The following FHIT variants were observed in gnomAD, a reference collection of about 807,000 sequenced individuals.
The protein encoded by FHIT is bis(5'-adenosyl)-triphosphatase.
FHIT carries 19 observed loss-of-function variants against 17.9 expected under a neutral mutation model. The ratio of observed to expected loss-of-function variants is 1.06; its 90% CI spans 0.74 to 1.56. The LOEUF (loss-of-function observed/expected upper bound fraction) is 1.56. Ranked by LOEUF, FHIT falls within the 40% of genes most tolerant of loss-of-function variation. The pLI is 0.00. For synonymous variants in FHIT, 81 were observed against 69.7 expected, an observed-to-expected ratio of 1.16 and a Z score of -0.81; for missense variants, 248 against 189.2, an observed-to-expected ratio of 1.31 and a Z score of -1.82.
chr3:60,882,355 G>A (rs1465960222), intron 3 of FHIT, among the ~76,000 whole-genome samples: 2 of 152,004 alleles, frequency 1.3e-5, no homozygotes, highest in Non-Finnish European at 2.9e-5. Flanking sequence ...AAAAGAGAAG[G>A]GAATTCTTTC....
intron 8 of FHIT, among the ~76,000 whole-genome samples, chr3:59,764,834 A>G (rs1261901329): frequency 6.6e-6 from 1 of 151,592 alleles, no homozygotes; most frequent in Non-Finnish European, 1.5e-5. Context: ...AGAAGTCAGC[A>G]TAGGCAACAG....
intron 5 of FHIT, among the ~76,000 whole-genome samples, chr3:60,401,464 T>A (rs755727179): frequency 9.2e-5 from 14 of 152,232 alleles, no homozygotes; most frequent in Non-Finnish European, 2.1e-4. Flanking sequence ...AGAAGATGGG[T>A]ATTGACTCAC....
chr3:59,960,818 T>C (rs947978994), intron 7 of FHIT, among the ~76,000 whole-genome samples: 5 of 152,216 alleles, frequency 3.3e-5, no homozygotes, highest in Admixed American at 2.0e-4. Context: ...TGTTTTATAC[T>C]ATGTATCCCT....
Position 60,761,673 on chromosome 3 carries a change from G to A in FHIT, c.-18+60246C>T, listed in dbSNP as rs535856442. Among the ~76,000 whole-genome samples, 59 of 127,704 alleles carry A rather than the reference G, an allele frequency of 4.6e-4. 2 individuals carry two copies. The South Asian group carries it at 5.6e-3, about 12-fold the overall frequency. 83.8% of individuals were successfully genotyped at this position (127,704 alleles called of 152,430 possible). ...ACCACAAAAGACCAATGCTACAGAT[G>A]TCTCTCTTTCGGCTTTAAATACTTC... On this transcript the variant is annotated intron_variant, in intron 4 of 9. Coordinates refer to ENST00000492590, the MANE Select transcript of FHIT (RefSeq NM_002012.4).
At chr3:60,577,251 A>G (rs1362334417) in intron 4 of FHIT, among the ~76,000 whole-genome samples, 1 of 152,128 alleles carries the variant, frequency 6.6e-6, no homozygotes. Context: ...CCAAATTCTG[A>G]AGCTGCCTTT....
chr3:59,803,855 A>G lies in FHIT; in HGVS notation c.349-51534T>C, dbSNP rs557356321. Among the ~76,000 whole-genome samples the G allele has an allele frequency of 7.2e-5, 11 of 152,324 alleles. 1 individual carries two copies. The South Asian group carries it at 2.3e-3, about 32-fold the overall frequency. The stretch of plus-strand genomic sequence containing the variant: ...TAAAAAATATCAGAATTAAAGAGGC[A>G]CAAAAAACCCTGAACATCCGGGGCA... On this transcript the variant is annotated intron_variant, in intron 8 of 9. Coordinates refer to ENST00000492590, the MANE Select transcript of FHIT (RefSeq NM_002012.4).
At chr3:60,587,415 C>T (rs2037942001) in intron 4 of FHIT, among the ~76,000 whole-genome samples, 1 of 151,870 alleles carries the variant, frequency 6.6e-6, no homozygotes, top group African/African-American at 2.4e-5. Flanking sequence ...GGGCTTAAAA[C>T]CTAGATGATG....
At chr3:59,789,730 A>G (rs17296168) in intron 8 of FHIT, among the ~76,000 whole-genome samples, 19,099 of 152,174 alleles carry the variant, frequency 0.13, 1,367 homozygotes, top group Admixed American at 0.2. Flanking sequence ...TAGAAAAATT[A>G]TGAATCTAGT....
intron 4 of FHIT, among the ~76,000 whole-genome samples, chr3:60,588,290 T>C (rs189733155): frequency 2.7e-4 from 41 of 152,118 alleles, no homozygotes; most frequent in African/African-American, 9.2e-4. Context: ...ACAGAACAAA[T>C]GAAGTTACTA....
At chr3:60,684,571 C>G (rs2040820192) in intron 4 of FHIT, among the ~76,000 whole-genome samples, 1 of 152,046 alleles carries the variant, frequency 6.6e-6, no homozygotes, top group Admixed American at 6.6e-5. Flanking sequence ...TTAGTCTTCC[C>G]AACCTCAGAG....
chr3:60,480,794 C>T (rs1012452675), intron 5 of FHIT, among the ~76,000 whole-genome samples: 19 of 152,226 alleles, frequency 1.2e-4, no homozygotes, highest in Non-Finnish European at 2.4e-4. Context: ...CCCTCTCCCC[C>T]AACTCCCCAA....
intron 5 of FHIT, among the ~76,000 whole-genome samples, chr3:60,163,210 G>A (rs904687168): frequency 6.6e-6 from 1 of 152,068 alleles, no homozygotes; most frequent in Admixed American, 6.6e-5. Context: ...ACTCACCCAG[G>A]TCCTAAGAAA....
intron 5 of FHIT, among the ~76,000 whole-genome samples, chr3:60,457,276 A>G (rs1373205105): frequency 1.3e-5 from 2 of 152,126 alleles, no homozygotes; most frequent in Non-Finnish European, 2.9e-5. Flanking sequence ...AAATAATGTC[A>G]CATATCTACA....
intron 2 of FHIT, among the ~76,000 whole-genome samples, chr3:61,155,369 A>G (rs1037343281): frequency 6.6e-6 from 1 of 152,152 alleles, no homozygotes; most frequent in African/African-American, 2.4e-5. Context: ...GAGGTAGATT[A>G]ATTTTTTTAA....
chr3:60,906,471 A>T (rs1378724967), intron 3 of FHIT, among the ~76,000 whole-genome samples: 3 of 152,224 alleles, frequency 2.0e-5, no homozygotes, highest in African/African-American at 7.2e-5. Flanking sequence ...GCACCCCAGT[A>T]GCAATGAACC....
intron 4 of FHIT, among the ~76,000 whole-genome samples, chr3:60,560,549 C>T (rs2036900175): frequency 6.6e-6 from 1 of 152,140 alleles, no homozygotes; most frequent in South Asian, 2.1e-4. Flanking sequence ...TGTTCCCTCA[C>T]CCCAGGTCTG....
At chr3:60,784,049 A>T (rs533752318) in intron 4 of FHIT, among the ~76,000 whole-genome samples, 1 of 152,306 alleles carries the variant, frequency 6.6e-6, no homozygotes, top group East Asian at 1.9e-4. Flanking sequence ...TGAACTGCCC[A>T]TCAGTCCCAG....
intron 3 of FHIT, among the ~76,000 whole-genome samples, chr3:60,858,005 T>A (rs1465494248): frequency 1.3e-5 from 2 of 152,196 alleles, no homozygotes; most frequent in African/African-American, 4.8e-5. Flanking sequence ...TGGGTGTTAT[T>A]GTTTTGTTAT....
At chr3:61,217,394 G>T (rs909399146) in intron 1 of FHIT, among the ~76,000 whole-genome samples, 2 of 152,190 alleles carry the variant, frequency 1.3e-5, no homozygotes, top group Non-Finnish European at 2.9e-5. Flanking sequence ...GTTGCTCAGG[G>T]TTAGCTGAGA....
Sources: allele counts gnomAD v4.1 joint callset (sites outside exome capture counted in the v4.1 genomes callset), GRCh38; gene constraint gnomAD v4.1.1; transcripts MANE v1.5; gene names NCBI Gene and HGNC (gene_info 2026-07-23, HGNC 2026-07-21).